Variants in CELSR1 observed in about 807,000 individuals in gnomAD.
CELSR1 encodes adhesion G protein-coupled receptor C1.
In CELSR1, 110 loss-of-function variants were observed where a neutral mutation model predicts 249.1. That is an observed-to-expected ratio of 0.44 (90% CI 0.38 to 0.52). The LOEUF is 0.52. CELSR1 is among the 20% of genes least tolerant of loss of function. The probability of loss-of-function intolerance (pLI) is 0.00; values close to 1 mark genes in which losing one functional copy is unlikely to be tolerated. For missense variants in CELSR1, 4,109 were observed against 4,296.4 expected (o/e 0.96, Z 1.22); for synonymous variants, 2,113 against 1,900.0 (o/e 1.11, Z -2.92).
At chr22:46,511,889 G>T (rs560318841) in intron 1 of CELSR1, among the ~76,000 whole-genome samples, 1 of 152,160 alleles carries the variant, frequency 6.6e-6, no homozygotes, top group Non-Finnish European at 1.5e-5. Flanking sequence ...ACAATGACCC[G>T]CCTCTCTGCT....
At chr22:46,444,962 T>G (rs1030123217) in intron 2 of CELSR1, among the ~76,000 whole-genome samples, 1 of 152,176 alleles carries the variant, frequency 6.6e-6, no homozygotes, top group African/African-American at 2.4e-5. Context: ...TCCCAGCACT[T>G]TGGGAGGCTG....
At position 46,517,456 on chromosome 22, in the gene CELSR1, C is replaced by T. The variant is rs1027927475; in HGVS notation, c.3544+16171G>A. On this transcript the variant is annotated intron_variant, in intron 1 of 34. Coordinates refer to ENST00000674500, the MANE Select transcript of CELSR1 (RefSeq NM_001378328.1). The surrounding 1 kb of genome is among the most constrained non-coding windows in gnomAD (Gnocchi z 5.4). The stretch of plus-strand genomic sequence containing the variant: ...CTGGCACTTGTCATCTTCCACGGGG[C>T]ACAAGGCGGTATCTGGAGGGTAGAA... Among the ~76,000 whole-genome samples the T allele has an allele frequency of 1.3e-5, 2 of 152,200 alleles. No homozygotes were observed. Among genetic ancestry groups the T allele is most frequent in the Admixed American group, 1.3e-4 (2 of 15,282 alleles).
In CELSR1 at chr22:46,488,601, AAAGTC is replaced by A. The variant is rs1472662481; in HGVS notation, c.3545-24261_3545-24257del. 6.6e-6 allele frequency among the ~76,000 whole-genome samples: 1 copy of A among 152,020 alleles called. No homozygotes were observed. The highest frequency in any genetic ancestry group is 1.5e-5 in the Non-Finnish European group (1 of 67,998). On this transcript the variant is annotated intron_variant, in intron 1 of 34. Coordinates refer to ENST00000674500, the MANE Select transcript of CELSR1 (RefSeq NM_001378328.1). This position sits in a 1 kb window ranked among gnomAD's most constrained non-coding sequence, Gnocchi z 4.7. ...AAACGCACCCCCCGCGCCACAGTGG[AAAGTC>A]CCCAGAAGCAGCAGTTTCTACGGCA... is the stretch of plus-strand genomic sequence containing the variant.
chr22:46,373,112 A>T, intron 24 of CELSR1, 55 bp from the exon 25 acceptor site: 1 of 1,503,492 alleles, frequency 6.7e-7, no homozygotes, highest in Non-Finnish European at 8.9e-7. Flanking sequence ...CTGAGGTCAG[A>T]CAGGCATGAG....
intron 24 of CELSR1, among the ~76,000 whole-genome samples, chr22:46,373,710 G>GCA (rs1402729322): frequency 2.9e-5 from 4 of 136,912 alleles, no homozygotes; most frequent in African/African-American, 1.2e-4. Flanking sequence ...AGATGGGGGA[G>GCA]ATGGGGGAGA....
At position 46,512,471 on chromosome 22, in the gene CELSR1, C is replaced by T. The variant is rs1413645220; in HGVS notation, c.3544+21156G>A. 1.3e-5 allele frequency among the ~76,000 whole-genome samples: 2 copies of T among 152,180 alleles called. No individual in the cohort carries two copies. Among genetic ancestry groups the T allele is most frequent in the Non-Finnish European group, 1.5e-5 (1 of 68,028 alleles). On this transcript the variant is annotated intron_variant, in intron 1 of 34. Coordinates refer to ENST00000674500, the MANE Select transcript of CELSR1 (RefSeq NM_001378328.1). The surrounding 1 kb of genome is among the most constrained non-coding windows in gnomAD (Gnocchi z 5.2). ...CCTATAATCCCAGCTACGTAGAAGG[C>T]TGAGGCACGAGAATTGCTTGAACCC...
At chr22:46,492,997 G>A (rs1416162444) in intron 1 of CELSR1, among the ~76,000 whole-genome samples, 1 of 152,180 alleles carries the variant, frequency 6.6e-6, no homozygotes, top group Non-Finnish European at 1.5e-5. Context: ...TAATCCCAGT[G>A]CTTTGGGAAA....
In CELSR1 at chr22:46,380,724, C is replaced by T. The variant is rs1033631298; in HGVS notation, c.7256+64G>A. The T allele has an allele frequency of 2.1e-5, 33 of 1,573,688 alleles. No individual in the cohort carries two copies. Among genetic ancestry groups the T allele is most frequent in the South Asian group, 7.9e-5 (7 of 88,176 alleles). On this transcript the variant is annotated intron_variant, in intron 22 of 34. Coordinates refer to ENST00000674500, the MANE Select transcript of CELSR1 (RefSeq NM_001378328.1). The surrounding 1 kb of genome is among the most constrained non-coding windows in gnomAD (Gnocchi z 5.1). ...TTGGGGCGCTCTGCCACTGAGCCCC[C>T]GACCCTGCGGGGGCACTCTGCCTTG... is the stretch of plus-strand genomic sequence containing the variant.
intron 2 of CELSR1, among the ~76,000 whole-genome samples, chr22:46,459,467 G>A (rs1482007207): frequency 6.6e-6 from 1 of 152,198 alleles, no homozygotes; most frequent in Non-Finnish European, 1.5e-5. Context: ...AATGATGCAA[G>A]AGGAAGGATC....
chr22:46,397,636 C>T, intron 12 of CELSR1, 38 bp downstream of exon 12: 3 of 1,412,662 alleles, frequency 2.1e-6, no homozygotes, highest in Non-Finnish European at 1.9e-6. Flanking sequence ...CATAAGAGAC[C>T]TCCCTGTCAC....
At chr22:46,478,494 T>G (rs910483674) in intron 1 of CELSR1, among the ~76,000 whole-genome samples, 15 of 151,922 alleles carry the variant, frequency 9.9e-5, no homozygotes, top group African/African-American at 3.4e-4. Context: ...TGGCCCGACG[T>G]GTCCACGAGC....
chr22:46,382,508 C>T (rs927228056), intron 20 of CELSR1, among the ~76,000 whole-genome samples: 2 of 152,126 alleles, frequency 1.3e-5, no homozygotes, highest in African/African-American at 2.4e-5. Context: ...GATCTCCTGA[C>T]CTCATGATCC....
chr22:46,435,327 G>C lies in CELSR1; in HGVS notation c.4522+847C>G, dbSNP rs2079646796. 2.1e-5 allele frequency among the ~76,000 whole-genome samples: 3 copies of C among 145,750 alleles called. No homozygotes were observed. In the Admixed American group the frequency reaches 2.1e-4, roughly 10 times the overall value. Reference sequence around the variant, plus strand: ...GATGGAGTCTCACTCTGTCACCCAGGCTGGAGTGCAATGGCATGATCTCAG... The same window carrying C: ...GATGGAGTCTCACTCTGTCACCCAGCCTGGAGTGCAATGGCATGATCTCAG... On this transcript the variant is annotated intron_variant, in intron 4 of 34. Transcript: ENST00000674500.
rs141590674 is a variant in CELSR1, at chr22:46,377,114, G to A, written c.7531C>T (p.Leu2511Phe). ...ACGAACACCAGCTGAGAGAGGAAGA[G>A]CGCCACGGCGAGGTGCTTGTGAATG... ...HSIHKHLAVALFLSQLVFVIG... is the reference protein window; with the variant it reads ...HSIHKHLAVAFFLSQLVFVIG... Residue 2511 changes from leucine (L) to phenylalanine (F), a missense_variant, in exon 24 of 35, where the codon CTC becomes TTC. This residue lies in a region of CELSR1 where 1,805 missense variants were observed against 1,831.6 expected (regional missense o/e 0.99). Coordinates refer to ENST00000674500, the MANE Select transcript of CELSR1 (RefSeq NM_001378328.1). 6 of 1,613,680 alleles carry A rather than the reference G, an allele frequency of 3.7e-6. No homozygotes were observed. In the South Asian group the frequency reaches 4.4e-5, roughly 12 times the overall value.
chr22:46,456,241 C>T (rs536977206), intron 2 of CELSR1, among the ~76,000 whole-genome samples: 5 of 152,380 alleles, frequency 3.3e-5, no homozygotes, highest in South Asian at 2.1e-4. Flanking sequence ...GACGTCACTC[C>T]GCAGGGTGAT....
chr22:46,483,312 C>T (rs772939486), intron 1 of CELSR1, among the ~76,000 whole-genome samples: 26 of 151,844 alleles, frequency 1.7e-4, no homozygotes, highest in East Asian at 3.9e-4. Flanking sequence ...CTGTGAGACC[C>T]GCCTCACTGG....
At chr22:46,480,392 A>G (rs1201172558) in intron 1 of CELSR1, among the ~76,000 whole-genome samples, 1 of 152,210 alleles carries the variant, frequency 6.6e-6, no homozygotes, top group Non-Finnish European at 1.5e-5. Context: ...GGATCCTTTC[A>G]AAGTTCTTAT....
intron 1 of CELSR1, among the ~76,000 whole-genome samples, chr22:46,519,969 T>C (rs2147789997): frequency 6.6e-6 from 1 of 151,786 alleles, no homozygotes; most frequent in East Asian, 1.9e-4. Context: ...CCTCCTGGGT[T>C]CAAGTGATTC....
At chr22:46,509,146 G>A (rs928912514) in intron 1 of CELSR1, among the ~76,000 whole-genome samples, 51 of 152,138 alleles carry the variant, frequency 3.4e-4, no homozygotes, top group Admixed American at 5.9e-4. Flanking sequence ...GGGGGGCTGC[G>A]AGGACACTTC....
Sources: gnomAD v4.1 joint callset for allele counts (sites outside exome capture counted in the v4.1 genomes callset) on GRCh38, gnomAD v4.1.1 for gene constraint, gnomAD v4.1.1 regional missense constraint, Gnocchi (gnomAD v3.1) non-coding constraint, MANE v1.5 for transcripts, NCBI Gene and HGNC (gene_info 2026-07-23, HGNC 2026-07-21) for gene names.